CTNNA2: variants seen among roughly 807,000 people sequenced by gnomAD.
The protein encoded by CTNNA2 is catenin alpha 2, also known as catenin alpha-2.
Under a neutral mutation model 101.0 loss-of-function variants are expected in CTNNA2, and 42 were observed. That is an observed-to-expected ratio of 0.42 (90% CI 0.32 to 0.54). CTNNA2 has a LOEUF of 0.54. Among genes scored for constraint, CTNNA2 ranks in the 20% least tolerant of loss-of-function variants. CTNNA2 has a pLI of 0.14. For synonymous variants in CTNNA2, 450 were observed against 456.4 expected (o/e 0.99, Z 0.18); for missense variants, 871 against 1,223.1 (o/e 0.71, Z 4.29).
chr2:79,356,341 C>A (rs898382242), intron 3 of CTNNA2, among the ~76,000 whole-genome samples: 31 of 151,912 alleles, frequency 2.0e-4, no homozygotes, highest in Admixed American at 5.2e-4. Flanking sequence ...TTTATAAATT[C>A]TTATTACTAT....
chr2:79,709,076 G>A (rs965129889), intron 2 of CTNNA2, among the ~76,000 whole-genome samples: 5 of 152,106 alleles, frequency 3.3e-5, no homozygotes, highest in African/African-American at 1.2e-4. Context: ...TAAGATAAAT[G>A]TATATCCTAT....
intron 2 of CTNNA2, among the ~76,000 whole-genome samples, chr2:79,707,132 C>T (rs1412093689): frequency 6.6e-6 from 1 of 152,160 alleles, no homozygotes; most frequent in Non-Finnish European, 1.5e-5. Context: ...ACTGCTTTCA[C>T]CTGGCTCAGC....
intron 7 of CTNNA2, among the ~76,000 whole-genome samples, chr2:80,292,027 C>T (rs967508692): frequency 3.3e-5 from 5 of 152,130 alleles, no homozygotes; most frequent in South Asian, 2.1e-4. Flanking sequence ...AGGCCCAGTG[C>T]TTTCAGGAAT....
chr2:80,484,886 G>A (rs1483535477), intron 9 of CTNNA2, among the ~76,000 whole-genome samples: 1 of 151,992 alleles, frequency 6.6e-6, no homozygotes, highest in African/African-American at 2.4e-5. Flanking sequence ...GGCACCTGTA[G>A]TCCCAGCTAC....
At chr2:80,446,716 T>C (rs1370805201) in intron 9 of CTNNA2, among the ~76,000 whole-genome samples, 1 of 152,144 alleles carries the variant, frequency 6.6e-6, no homozygotes, top group Non-Finnish European at 1.5e-5. Context: ...ACAAGTTGGG[T>C]TGTGAACTTG....
At chr2:79,253,103 G>T (rs1199494781) in intron 2 of CTNNA2, among the ~76,000 whole-genome samples, 6 of 152,142 alleles carry the variant, frequency 3.9e-5, no homozygotes, top group Admixed American at 2.6e-4. Flanking sequence ...TAACTTCTCT[G>T]TCTCAATTTC....
rs545702302 is a variant in CTNNA2 at position 79,246,103 on chromosome 2, G to T, written c.-406+48027G>T. 4.6e-5 allele frequency among the ~76,000 whole-genome samples: 7 copies of T among 152,334 alleles called. No homozygotes were observed. The South Asian group carries it at 1.5e-3, about 32-fold the overall frequency. On this transcript the variant is annotated intron_variant, in intron 2 of 21. Coordinates refer to the CTNNA2 transcript ENST00000466387. Reference sequence around the variant, plus strand: ...TTCTCTGGAAGTGGAGTCTGATTTTGTGGAAAGAGCTCAAGATTGGGAAAT... The same window carrying T: ...TTCTCTGGAAGTGGAGTCTGATTTTTTGGAAAGAGCTCAAGATTGGGAAAT...
At chr2:80,207,153 ATAGTT>A (rs1403121789) in intron 7 of CTNNA2, among the ~76,000 whole-genome samples, 2 of 152,216 alleles carry the variant, frequency 1.3e-5, no homozygotes, top group African/African-American at 4.8e-5. Context: ...TGAATGGAGA[ATAGTT>A]TGTATATATT....
intron 9 of CTNNA2, among the ~76,000 whole-genome samples, chr2:80,513,414 C>T (rs1400208104): frequency 2.0e-5 from 3 of 152,156 alleles, no homozygotes; most frequent in Non-Finnish European, 4.4e-5. Flanking sequence ...TTCTCTGTAC[C>T]ACCTCAGGTG....
intron 7 of CTNNA2, among the ~76,000 whole-genome samples, chr2:80,079,780 C>G (rs186720784): frequency 1.4e-4 from 21 of 147,692 alleles, no homozygotes; most frequent in African/African-American, 5.0e-4. Context: ...CGCCACTGCA[C>G]TCCAGCCTGG....
At chr2:79,888,807 T>C (rs1207871675) in intron 6 of CTNNA2, among the ~76,000 whole-genome samples, 1 of 152,188 alleles carries the variant, frequency 6.6e-6, no homozygotes, top group Non-Finnish European at 1.5e-5. Context: ...GTACCAAATA[T>C]AATAATGAAT....
chr2:79,503,428 C>CTTG (rs1368008991), intron 4 of CTNNA2, among the ~76,000 whole-genome samples: 7 of 152,164 alleles, frequency 4.6e-5, no homozygotes, highest in African/African-American at 1.7e-4. Flanking sequence ...ACGTTCTGTA[C>CTTG]TACATTGCTT....
chr2:79,869,706 T>G, intron 4 of CTNNA2, 110 bp from the exon 5 acceptor site: 1 of 1,372,596 alleles, frequency 7.3e-7, no homozygotes, highest in Non-Finnish European at 9.7e-7. Flanking sequence ...CATTTACATG[T>G]TAACACATAC....
intron 1 of CTNNA2, among the ~76,000 whole-genome samples, chr2:79,593,404 T>C (rs1202130205): frequency 6.6e-6 from 1 of 152,246 alleles, no homozygotes; most frequent in Non-Finnish European, 1.5e-5. Flanking sequence ...CCTCAGTTAA[T>C]ATGTAACTCT....
chr2:80,173,251 C>G (rs966763014), intron 7 of CTNNA2, among the ~76,000 whole-genome samples: 1 of 152,182 alleles, frequency 6.6e-6, no homozygotes, highest in Admixed American at 6.5e-5. Flanking sequence ...GTGCCAGGCT[C>G]ATATTCAGCA....
chr2:80,152,697 C>G (rs1703780668), intron 7 of CTNNA2, among the ~76,000 whole-genome samples: 1 of 141,296 alleles, frequency 7.1e-6, no homozygotes, highest in Non-Finnish European at 1.5e-5. Context: ...CTTTATTGTA[C>G]TTAAAAAAAA....
intron 7 of CTNNA2, among the ~76,000 whole-genome samples, chr2:80,326,594 C>CT: frequency 6.6e-6 from 1 of 151,982 alleles, no homozygotes; most frequent in South Asian, 2.1e-4. Context: ...GAAGGCCAAT[C>CT]TAAGTGTGCC....
chr2:79,862,076 T>A (rs1034246761), intron 4 of CTNNA2, among the ~76,000 whole-genome samples: 1 of 152,200 alleles, frequency 6.6e-6, no homozygotes, highest in Non-Finnish European at 1.5e-5. Context: ...AATCAGATTA[T>A]ATTGTCAATT....
rs1686934032 is a variant in CTNNA2, at chr2:79,727,686, C to T, written c.103-16701C>T. The stretch of plus-strand genomic sequence containing the variant: ...TGGTGTCCTGCACCCATTAACTCGT[C>T]ATTTAGCATTAGGTATATCTCCTAA... On this transcript the variant is annotated intron_variant, in intron 2 of 18. Transcript: ENST00000402739. Among the ~76,000 whole-genome samples the T allele has an allele frequency of 2.0e-5, 3 of 150,704 alleles. 1 individual carries two copies. The South Asian group carries it at 6.3e-4, about 32-fold the overall frequency.
Sources: gnomAD v4.1 joint callset for allele counts (sites outside exome capture counted in the v4.1 genomes callset) on GRCh38, gnomAD v4.1.1 for gene constraint, MANE v1.5 for transcripts, NCBI Gene and HGNC (gene_info 2026-07-23, HGNC 2026-07-21) for gene names.